Variants in COL18A1 observed in about 807,000 individuals in gnomAD.
The protein encoded by COL18A1 is collagen alpha-1(XVIII) chain.
In COL18A1, 133 loss-of-function variants were observed where a neutral mutation model predicts 168.0. The observed-to-expected ratio is 0.79, with a 90% CI of 0.69 to 0.91. The LOEUF (loss-of-function observed/expected upper bound fraction) is 0.91. Among genes scored for constraint, COL18A1 ranks in the 40% least tolerant of loss-of-function variants. COL18A1 has a pLI of 0.00. For missense variants in COL18A1, 2,126 were observed against 1,925.4 expected (o/e 1.10, Z -1.95); for synonymous variants, 949 against 809.0 (o/e 1.17, Z -2.94).
intron 18 of COL18A1, 97 bp downstream of exon 18, chr21:45,488,541 T>C: frequency 6.4e-7 from 1 of 1,562,508 alleles, no homozygotes; most frequent in Non-Finnish European, 8.8e-7. Flanking sequence ...TCGGGTTTTC[T>C]GATGGCAGGA....
At chr21:45,459,423 G>A (rs1334748240) in intron 2 of COL18A1, among the ~76,000 whole-genome samples, 1 of 152,204 alleles carries the variant, frequency 6.6e-6, no homozygotes, top group Admixed American at 6.5e-5. Context: ...CATCTCCAGG[G>A]ATCAGGGAGT....
intron 29 of COL18A1, chr21:45,496,072 A>G: frequency 4.4e-6 from 1 of 228,408 alleles, no homozygotes; most frequent in Admixed American, 6.6e-5. Context: ...GGCCTGGGCC[A>G]TGCCCTCCAT....
chr21:45,507,534 C>T (rs1426240814), intron 37 of COL18A1, 27 bp from the exon 38 acceptor site: 8 of 1,611,266 alleles, frequency 5.0e-6, no homozygotes, highest in Non-Finnish European at 6.8e-6. Flanking sequence ...GCCGCAGGTC[C>T]TGGGTGACCC....
chr21:45,468,800 T>C lies in COL18A1; in HGVS notation c.651+14T>C, dbSNP rs973802696. 1.5e-6 allele frequency: 2 copies of C among 1,367,618 alleles called. No individual in the cohort carries two copies. Among genetic ancestry groups the C allele is most frequent in the Admixed American group, 3.8e-5 (2 of 52,182 alleles). The allele number at this position is 1,367,618 out of a possible 1,614,324, so 84.7% of individuals were successfully genotyped here. A position where few individuals can be genotyped will look rare whatever the true frequency, so the allele number is the denominator to read the frequency against. The stretch of plus-strand genomic sequence containing the variant: ...GACAAGTTCCAGGTAACCCCCACTG[T>C]GCCGTCGCTGGGGGACTGGAGCAGC... On this transcript the variant is annotated intron_variant, in intron 3 of 41. Coordinates refer to ENST00000651438, the MANE Select transcript of COL18A1 (RefSeq NM_001379500.1).
At chr21:45,456,369 C>T (rs769156194) in intron 2 of COL18A1, 7 of 1,550,178 alleles carry the variant, frequency 4.5e-6, no homozygotes, top group Non-Finnish European at 2.6e-6. Flanking sequence ...GCCCCCTCCG[C>T]CTTCTCCTCT....
chr21:45,442,224 G>A (rs1391074308), intron 2 of COL18A1, among the ~76,000 whole-genome samples: 1 of 152,252 alleles, frequency 6.6e-6, no homozygotes, highest in Non-Finnish European at 1.5e-5. Flanking sequence ...TGCACAGGGT[G>A]CACGTGAGGA....
chr21:45,435,637 G>C (rs1159248059), intron 2 of COL18A1, among the ~76,000 whole-genome samples: 1 of 152,162 alleles, frequency 6.6e-6, no homozygotes, highest in Non-Finnish European at 1.5e-5. Context: ...GCAGAGGTGG[G>C]GTCAGGGAGC....
intron 2 of COL18A1, among the ~76,000 whole-genome samples, chr21:45,453,135 C>G (rs148172855): frequency 7.0e-6 from 1 of 143,786 alleles, no homozygotes; most frequent in African/African-American, 2.6e-5. Context: ...CTTGTGTATG[C>G]GAGTATTCAC....
chr21:45,447,982 G>A (rs929278127), intron 2 of COL18A1, among the ~76,000 whole-genome samples: 14 of 152,150 alleles, frequency 9.2e-5, no homozygotes, highest in African/African-American at 2.9e-4. Context: ...AGGCTTTGAA[G>A]GCATGCAGGA....
intron 20 of COL18A1, 81 bp downstream of exon 20, chr21:45,490,427 G>T: frequency 2.8e-6 from 3 of 1,087,680 alleles, no homozygotes; most frequent in Non-Finnish European, 1.3e-6. Context: ...GCTGGCACGA[G>T]ATGTGCCCTC....
intron 2 of COL18A1, among the ~76,000 whole-genome samples, chr21:45,417,078 C>A (rs987372277): frequency 5.3e-5 from 8 of 152,104 alleles, no homozygotes; most frequent in Non-Finnish European, 1.2e-4. Flanking sequence ...TGTCGGTGTT[C>A]TTGGTTGCTT....
In COL18A1 at chr21:45,504,502, C is replaced by A. The variant is rs766026583; in HGVS notation, c.2814C>A (p.Pro938=). Residue 938 remains proline, a synonymous_variant, in exon 34 of 42, where the codon CCC becomes CCA. Transcript: ENST00000651438. ...GGGGFFGSSL[P]GPPGPPGPPG... Reference sequence around the variant, plus strand: ...GCGGTTTCTTCGGCTCCAGCCTGCCCGGCCCCCCCGGCCCCCCAGGCCCCC... The same window carrying A: ...GCGGTTTCTTCGGCTCCAGCCTGCCAGGCCCCCCCGGCCCCCCAGGCCCCC... 5 of 1,414,412 alleles carry A rather than the reference C, an allele frequency of 3.5e-6. No homozygotes were observed. The highest frequency in any genetic ancestry group is 2.4e-5 in the Admixed American group (1 of 41,026). The allele number at this position is 1,414,412 out of a possible 1,614,324, so 87.6% of individuals were successfully genotyped here. A position where few individuals can be genotyped will look rare whatever the true frequency, so the allele number is the denominator to read the frequency against.
At chr21:45,440,014 A>C (rs560501512) in intron 2 of COL18A1, among the ~76,000 whole-genome samples, 3 of 152,336 alleles carry the variant, frequency 2.0e-5, no homozygotes, top group African/African-American at 7.2e-5. Flanking sequence ...TGGGGCCAGC[A>C]CCCAGAAAGC....
rs748442048 is a variant in COL18A1, at chr21:45,504,440, G to T, written c.2752G>T (p.Ala918Ser). ...GGGGGAGAAGGGAGACCGAGGTGATGCAGGACAGAAAGGCGAAAGGGGGGA... is the reference window on the plus strand; with the variant it reads ...GGGGGAGAAGGGAGACCGAGGTGATTCAGGACAGAAAGGCGAAAGGGGGGA... ...MKGEKGDRGD[A>S]GQKGERGEPG... Residue 918 changes from alanine to serine, a missense_variant, in exon 34 of 42, where the codon GCA becomes TCA. Coordinates refer to ENST00000651438, the MANE Select transcript of COL18A1 (RefSeq NM_001379500.1). 12 of 1,611,880 alleles carry T rather than the reference G, an allele frequency of 7.4e-6. No homozygotes were observed. In the South Asian group the frequency reaches 1.3e-4, roughly 18 times the overall value.
intron 2 of COL18A1, among the ~76,000 whole-genome samples, chr21:45,434,977 CG>C (rs1569286096): frequency 6.6e-6 from 1 of 152,032 alleles, no homozygotes; most frequent in East Asian, 1.9e-4. Context: ...GAGGGGAAGC[CG>C]GGGGCTGGTT....
In COL18A1 at chr21:45,437,832, ACAAG is replaced by A. The variant is rs773283633; in HGVS notation, c.107-30407_107-30404del. ...CTCTCCTGCACACACTCACACTCAG[ACAAG>A]CACTCTCCTGCACACACTCACACTC... is the stretch of plus-strand genomic sequence containing the variant. On this transcript the variant is annotated intron_variant, in intron 2 of 41. Coordinates refer to ENST00000651438, the MANE Select transcript of COL18A1 (RefSeq NM_001379500.1). Among the ~76,000 whole-genome samples, 12 of 67,918 alleles carry A rather than the reference ACAAG, an allele frequency of 1.8e-4. 1 individual carries two copies. Among genetic ancestry groups the A allele is most frequent in the Non-Finnish European group, 2.5e-4 (10 of 39,682 alleles). The allele number at this position is 67,918 out of a possible 152,430, so 44.6% of individuals were successfully genotyped here. A position where few individuals can be genotyped will look rare whatever the true frequency, so the allele number is the denominator to read the frequency against.
At chr21:45,505,334 C>A in intron 35 of COL18A1, 24 bp from the exon 36 acceptor site, 1 of 1,592,880 alleles carries the variant, frequency 6.3e-7, no homozygotes, top group Non-Finnish European at 8.6e-7. Flanking sequence ...GCTTCGTGTT[C>A]CCACCTTGGT....
At chr21:45,462,155 G>A (rs905299528) in intron 2 of COL18A1, among the ~76,000 whole-genome samples, 27 of 152,084 alleles carry the variant, frequency 1.8e-4, no homozygotes, top group African/African-American at 6.5e-4. Flanking sequence ...AGAAGCCCTT[G>A]GATGTGATCA....
chr21:45,421,830 A>G (rs1226345463), intron 2 of COL18A1, among the ~76,000 whole-genome samples: 1 of 151,976 alleles, frequency 6.6e-6, no homozygotes, highest in Non-Finnish European at 1.5e-5. Context: ...GTGACAGGAC[A>G]CAGCCCGGGG....
Sources: gnomAD v4.1 joint callset for allele counts (sites outside exome capture counted in the v4.1 genomes callset) on GRCh38, gnomAD v4.1.1 for gene constraint, MANE v1.5 for transcripts, NCBI Gene and HGNC (gene_info 2026-07-23, HGNC 2026-07-21) for gene names.